Variants in NRXN3 observed in about 807,000 individuals in gnomAD.
The protein encoded by NRXN3 is neurexin III.
Under a neutral mutation model 137.6 loss-of-function variants are expected in NRXN3, and 32 were observed. The observed-to-expected ratio is 0.23, with a 90% confidence interval of 0.18 to 0.31. The LOEUF is 0.31. Among genes scored for constraint, NRXN3 ranks in the 10% least tolerant of loss-of-function variants. The probability of loss-of-function intolerance (pLI) is 1.00; values close to 1 mark genes in which losing one functional copy is unlikely to be tolerated. For synonymous variants in NRXN3, 798 were observed against 784.5 expected, an observed-to-expected ratio of 1.02 and a Z score of -0.29; for missense variants, 1,574 against 2,062.5, an observed-to-expected ratio of 0.76 and a Z score of 4.59.
At chr14:78,256,561 C>G (rs1357580639) in intron 2 of NRXN3, among the ~76,000 whole-genome samples, 1 of 152,204 alleles carries the variant, frequency 6.6e-6, no homozygotes, top group Non-Finnish European at 1.5e-5. Flanking sequence ...TCATGCACCC[C>G]CTTTTAGGGG....
chr14:79,661,890 CGCAAATCTCAT>C (rs1270066734), intron 16 of NRXN3: 1 of 152,076 alleles, frequency 6.6e-6, no homozygotes, highest in African/African-American at 2.4e-5. Flanking sequence ...TGTGTTCCCA[CGCAAATCTCAT>C]CTTGAATTAT....
chr14:79,044,258 T>A (rs1342659700), intron 15 of NRXN3, among the ~76,000 whole-genome samples: 3 of 151,508 alleles, frequency 2.0e-5, no homozygotes, highest in Non-Finnish European at 2.9e-5. Context: ...TGTCCCCAAA[T>A]GTAAAATAGA....
At chr14:78,972,454 A>G (rs934360939) in intron 14 of NRXN3, among the ~76,000 whole-genome samples, 11 of 152,100 alleles carry the variant, frequency 7.2e-5, no homozygotes, top group African/African-American at 2.7e-4. Context: ...CAAGGGGTGC[A>G]CTCGAGTGAC....
chr14:78,481,254 C>T (rs759360707), intron 4 of NRXN3, among the ~76,000 whole-genome samples: 3 of 152,128 alleles, frequency 2.0e-5, no homozygotes, highest in South Asian at 2.1e-4. Flanking sequence ...TGTAGGGGAA[C>T]GCTGTGCAAA....
At chr14:78,842,573 T>C (rs1391159817) in intron 10 of NRXN3, among the ~76,000 whole-genome samples, 1 of 152,134 alleles carries the variant, frequency 6.6e-6, no homozygotes, top group Non-Finnish European at 1.5e-5. Flanking sequence ...TTGTCATTGA[T>C]AACATCTTAT....
chr14:79,476,616 G>A (rs918235795), intron 16 of NRXN3, among the ~76,000 whole-genome samples: 3 of 151,884 alleles, frequency 2.0e-5, no homozygotes, highest in East Asian at 1.9e-4. Flanking sequence ...ACATTTACTC[G>A]GGAGCATGTG....
At chr14:79,621,584 C>A (rs1045701667) in intron 16 of NRXN3, among the ~76,000 whole-genome samples, 48 of 152,294 alleles carry the variant, frequency 3.2e-4, no homozygotes, top group Admixed American at 2.8e-3. Context: ...CCTGAAGGGA[C>A]AGACTCTTGG....
At chr14:79,756,169 A>T (rs543797994) in intron 19 of NRXN3, among the ~76,000 whole-genome samples, 1 of 152,306 alleles carries the variant, frequency 6.6e-6, no homozygotes, top group East Asian at 1.9e-4. Context: ...GAGCCAAGTT[A>T]AATGAACTGT....
intron 4 of NRXN3, among the ~76,000 whole-genome samples, chr14:78,491,563 A>C (rs1229522204): frequency 1.3e-5 from 2 of 152,208 alleles, no homozygotes; most frequent in Non-Finnish European, 2.9e-5. Context: ...TAACAAATTA[A>C]TATGTCTTAT....
At chr14:78,751,285 G>C (rs980102941) in intron 8 of NRXN3, among the ~76,000 whole-genome samples, 2 of 152,182 alleles carry the variant, frequency 1.3e-5, no homozygotes, top group African/African-American at 4.8e-5. Context: ...TAGCATCCCC[G>C]ATGTTCCGAA....
intron 15 of NRXN3, among the ~76,000 whole-genome samples, chr14:79,259,560 T>C (rs903339956): frequency 1.3e-5 from 2 of 148,460 alleles, no homozygotes; most frequent in Non-Finnish European, 3.0e-5. Flanking sequence ...TATAGCTGTA[T>C]ATATAGTTAT....
chr14:78,326,807 T>C (rs2153565183), intron 4 of NRXN3, among the ~76,000 whole-genome samples: 1 of 152,270 alleles, frequency 6.6e-6, no homozygotes, highest in Middle Eastern at 3.4e-3. Context: ...ATTACTGCCC[T>C]TTCTTTGTTC....
intron 4 of NRXN3, among the ~76,000 whole-genome samples, chr14:78,575,049 C>T (rs913932582): frequency 6.6e-6 from 1 of 152,132 alleles, no homozygotes; most frequent in Non-Finnish European, 1.5e-5. Context: ...AGTGAGTTCT[C>T]ATGATATCTG....
intron 8 of NRXN3, among the ~76,000 whole-genome samples, chr14:78,756,788 GC>G (rs1415537215): frequency 6.6e-6 from 1 of 152,166 alleles, no homozygotes; most frequent in Non-Finnish European, 1.5e-5. Flanking sequence ...TTAACGGTGT[GC>G]CACCAACTCT....
chr14:78,244,183 A>C (rs1263948622), intron 2 of NRXN3, among the ~76,000 whole-genome samples: 1 of 152,188 alleles, frequency 6.6e-6, no homozygotes, highest in Non-Finnish European at 1.5e-5. Flanking sequence ...TAATCCTAGC[A>C]CTTTGGGAGG....
At chr14:79,186,118 A>G (rs953167659) in intron 15 of NRXN3, among the ~76,000 whole-genome samples, 4 of 152,190 alleles carry the variant, frequency 2.6e-5, no homozygotes, top group African/African-American at 9.6e-5. Context: ...CAAAATAGTT[A>G]GAATAGTATT....
chr14:78,521,170 T>A (rs2096278668), intron 4 of NRXN3, among the ~76,000 whole-genome samples: 1 of 152,158 alleles, frequency 6.6e-6, no homozygotes, highest in Non-Finnish European at 1.5e-5. Context: ...CTCTCTCTCT[T>A]CCTCTATCCC....
intron 15 of NRXN3, among the ~76,000 whole-genome samples, chr14:79,005,245 T>C (rs1419634928): frequency 2.6e-5 from 4 of 152,190 alleles, no homozygotes; most frequent in Non-Finnish European, 4.4e-5. Flanking sequence ...CTATCCAAAT[T>C]CCAAAGACAT....
intron 4 of NRXN3, among the ~76,000 whole-genome samples, chr14:78,501,592 C>T (rs1567773644): frequency 2.0e-5 from 3 of 152,124 alleles, no homozygotes; most frequent in South Asian, 4.1e-4. Flanking sequence ...GAAGGTTATA[C>T]TTGGGCACAA....
Sources: gnomAD v4.1 joint callset for allele counts (sites outside exome capture counted in the v4.1 genomes callset) on GRCh38, gnomAD v4.1.1 for gene constraint, MANE v1.5 for transcripts, NCBI Gene and HGNC (gene_info 2026-07-23, HGNC 2026-07-21) for gene names.